GRSF1: variants seen among roughly 807,000 people sequenced by gnomAD.
The protein encoded by GRSF1 is G-rich RNA sequence binding factor 1, also known as G-rich sequence factor 1.
GRSF1 carries 50 observed loss-of-function variants against 51.1 expected under a neutral mutation model. The ratio of observed to expected loss-of-function variants is 0.98; its 90% CI spans 0.78 to 1.24. The LOEUF (loss-of-function observed/expected upper bound fraction) is 1.24. Ranked by LOEUF, GRSF1 falls within the 50% of genes most tolerant of loss-of-function variation. GRSF1 has a pLI of 0.00. For synonymous variants in GRSF1, 293 were observed against 253.3 expected, an observed-to-expected ratio of 1.16 and a Z score of -1.49; for missense variants, 700 against 639.7, an observed-to-expected ratio of 1.09 and a Z score of -1.02.
rs1272521310 is a variant in GRSF1 at position 70,817,036 on chromosome 4, C to A, written c.*3851G>T. Reference sequence around the variant, plus strand: ...AAATGACAACACCCACTAACACTTGCTTATAAATAAAGTAAAAGTCACTGC... The same window carrying A: ...AAATGACAACACCCACTAACACTTGATTATAAATAAAGTAAAAGTCACTGC... On this transcript the variant is annotated 3_prime_UTR_variant, in exon 10 of 10. Coordinates refer to ENST00000254799, the MANE Select transcript of GRSF1 (RefSeq NM_002092.4). The A allele has an allele frequency of 6.6e-6, 1 of 152,130 alleles. No homozygotes were observed. Among genetic ancestry groups the A allele is most frequent in the Non-Finnish European group, 1.5e-5 (1 of 68,020 alleles). The allele number at this position is 152,130 out of a possible 1,614,324, so 9.4% of individuals were successfully genotyped here.
intron 9 of GRSF1, among the ~76,000 whole-genome samples, chr4:70,823,495 GC>G: frequency 9.3e-6 from 1 of 107,780 alleles, no homozygotes; most frequent in South Asian, 3.0e-4. Flanking sequence ...TTTTTTTTTT[GC>G]CCCCCACATC....
chr4:70,836,911 C>G (rs1734236769), intron 1 of GRSF1, among the ~76,000 whole-genome samples: 1 of 152,124 alleles, frequency 6.6e-6, no homozygotes, highest in Admixed American at 6.6e-5. Context: ...GCAATTAATT[C>G]CAACTGTTTA....
intron 1 of GRSF1, among the ~76,000 whole-genome samples, chr4:70,836,800 TGAAG>T (rs895740504): frequency 2.0e-5 from 3 of 152,108 alleles, no homozygotes; most frequent in Non-Finnish European, 2.9e-5. Context: ...AGATGGGCCT[TGAAG>T]GAAGGATAGA....
chr4:70,824,799 CA>C (rs1733668003), intron 8 of GRSF1, among the ~76,000 whole-genome samples: 1 of 152,114 alleles, frequency 6.6e-6, no homozygotes, highest in Non-Finnish European at 1.5e-5. Flanking sequence ...CACAAACAAA[CA>C]AAATGTAAAA....
At chr4:70,839,282 C>T (rs1415183373) in intron 1 of GRSF1, 189 bp downstream of exon 1, 2 of 1,495,766 alleles carry the variant, frequency 1.3e-6, no homozygotes, top group Non-Finnish European at 1.8e-6. Flanking sequence ...GAAGACCCGA[C>T]GCCTGGGAGA....
In GRSF1 at chr4:70,839,419, G is replaced by A. The variant is rs545324876; in HGVS notation, c.357+52C>T. 1.6e-5 allele frequency: 24 copies of A among 1,505,100 alleles called. No individual in the cohort carries two copies. In the African/African-American group the frequency reaches 2.0e-4, roughly 12 times the overall value. The allele number at this position is 1,505,100 out of a possible 1,614,324, so 93.2% of individuals were successfully genotyped here. On this transcript the variant is annotated intron_variant, in intron 1 of 9. Transcript: ENST00000254799. ...GGGACGGAGGGGCGCGGGGGCGCGTGCACGCGGCCCGGGAGGGATCTCGCG... is the reference window on the plus strand; with the variant it reads ...GGGACGGAGGGGCGCGGGGGCGCGTACACGCGGCCCGGGAGGGATCTCGCG...
chr4:70,835,459 A>AAT (rs1455880586), intron 2 of GRSF1, among the ~76,000 whole-genome samples: 6 of 131,162 alleles, frequency 4.6e-5, no homozygotes, highest in Non-Finnish European at 6.6e-5. Context: ...AGTATGATGG[A>AAT]TTTTTTTTTT....
intron 3 of GRSF1, among the ~76,000 whole-genome samples, 180 bp from the exon 4 acceptor site, chr4:70,832,630 CTTCT>C (rs770578871): frequency 3.9e-5 from 6 of 152,198 alleles, no homozygotes; most frequent in Admixed American, 1.3e-4. Flanking sequence ...GCGGGCATAA[CTTCT>C]TTATTTCTCA....
intron 5 of GRSF1, among the ~76,000 whole-genome samples, chr4:70,829,298 C>G (rs1392795583): frequency 1.3e-5 from 2 of 151,784 alleles, no homozygotes; most frequent in Non-Finnish European, 2.9e-5. Flanking sequence ...AAAAAAAAAC[C>G]TTTGAGCCTG....
At chr4:70,837,550 C>G (rs1734264790) in intron 1 of GRSF1, among the ~76,000 whole-genome samples, 2 of 79,176 alleles carry the variant, frequency 2.5e-5, no homozygotes, top group South Asian at 1.1e-3. Context: ...GGCAACAGAG[C>G]AAGACTCCGT....
At chr4:70,824,757 T>A (rs115696104) in intron 8 of GRSF1, among the ~76,000 whole-genome samples, 1 of 152,154 alleles carries the variant, frequency 6.6e-6, no homozygotes, top group Non-Finnish European at 1.5e-5. Context: ...CACTACAGAC[T>A]GGGCGACAGA....
intron 7 of GRSF1, 147 bp downstream of exon 7, chr4:70,825,977 A>C (rs1373282899): frequency 7.4e-6 from 5 of 672,118 alleles, no homozygotes; most frequent in Non-Finnish European, 1.3e-5. Flanking sequence ...CAGAAAAAGA[A>C]GCAAGCTTTG....
chr4:70,831,672 G>C lies in GRSF1; in HGVS notation c.817C>G (p.Leu273Val), dbSNP rs749800186. The C allele has an allele frequency of 6.2e-7, 1 of 1,606,616 alleles. No homozygotes were observed. Among genetic ancestry groups the C allele is most frequent in the South Asian group, 1.1e-5 (1 of 89,698 alleles). The change falls in exon 5 of 10, where the codon CTG (leucine) becomes GTG (valine). Residue 273 changes from leucine to valine, a missense_variant and splice_region_variant. Physicochemically the swap from Leu to Val is conservative, Grantham distance 32. Coordinates refer to ENST00000254799, the MANE Select transcript of GRSF1 (RefSeq NM_002092.4). ...EKDIVDFFAG[L>V]NIVDITFVMD... The stretch of plus-strand genomic sequence containing the variant: ...ACAAAAGTAATGTCAACTATATTCA[G>C]TCCTAGGACACCAAGAGATTTTAAT...
rs781130229 is a variant in GRSF1 at position 70,839,534 on chromosome 4, A to G, written c.294T>C (p.Arg98=). ...CCAGCGACTGCGGCAGCAGAGAGGC[A>G]CGGAGGGCAGAGTAGGACGCGGCGG... The part of the protein sequence containing the change: ...AAAAASYSAL[R]ASLLPQSLAA... The change falls in exon 1 of 10, where the codon CGT becomes CGC. Residue 98 remains arginine, a synonymous_variant. Transcript: ENST00000254799. 6.2e-6 allele frequency: 9 copies of G among 1,449,384 alleles called. No homozygotes were observed. The South Asian group carries it at 1.1e-4, about 17-fold the overall frequency. 89.8% of individuals were successfully genotyped at this position (1,449,384 alleles called of 1,614,324 possible).
Position 70,820,390 on chromosome 4 carries a change from T to A in GRSF1, c.*497A>T, listed in dbSNP as rs920067676. 1 of 152,600 alleles carries A rather than the reference T, an allele frequency of 6.6e-6. No homozygotes were observed. The highest frequency in any genetic ancestry group is 6.5e-5 in the Admixed American group (1 of 15,268). 9.5% of individuals were successfully genotyped at this position (152,600 alleles called of 1,614,324 possible). A position where few individuals can be genotyped will look rare whatever the true frequency, so the allele number is the denominator to read the frequency against. On this transcript the variant is annotated 3_prime_UTR_variant, in exon 10 of 10. Transcript: ENST00000254799. Reference sequence around the variant, plus strand: ...AATTTAAAACTATTCTGCCAAACCATACCAGTTCAAAGGTCTGAAACCGTT... The same window carrying A: ...AATTTAAAACTATTCTGCCAAACCAAACCAGTTCAAAGGTCTGAAACCGTT...
intron 5 of GRSF1, among the ~76,000 whole-genome samples, chr4:70,830,202 C>T (rs561286865): frequency 2.0e-5 from 3 of 151,784 alleles, no homozygotes; most frequent in East Asian, 2.0e-4. Context: ...CCAAAGCGGG[C>T]GATCACTTGA....
In GRSF1 at chr4:70,839,870, C is replaced by T. The variant is rs28365837; in HGVS notation, c.-43G>A. ...CAGGGCCTGAAGGCAGCTGCTCCAG[C>T]AGCGATGGTGGAACGGAAGTGGAAT... On this transcript the variant is annotated 5_prime_UTR_variant, in exon 1 of 10. Coordinates refer to ENST00000254799, the MANE Select transcript of GRSF1 (RefSeq NM_002092.4). The T allele has an allele frequency of 1.5e-5, 22 of 1,431,042 alleles. 2 individuals are homozygous for T. In the South Asian group the frequency reaches 3.1e-4, roughly 20 times the overall value. The allele number at this position is 1,431,042 out of a possible 1,614,324, so 88.6% of individuals were successfully genotyped here. A position where few individuals can be genotyped will look rare whatever the true frequency, so the allele number is the denominator to read the frequency against.
In GRSF1 at chr4:70,839,594, C is replaced by A; in HGVS notation, c.234G>T (p.Gly78=). 7.1e-7 allele frequency: 1 copy of A among 1,412,926 alleles called. No individual in the cohort carries two copies. The highest frequency in any genetic ancestry group is 9.2e-7 in the Non-Finnish European group (1 of 1,087,954). 87.5% of individuals were successfully genotyped at this position (1,412,926 alleles called of 1,614,324 possible). A position where few individuals can be genotyped will look rare whatever the true frequency, so the allele number is the denominator to read the frequency against. The change falls in exon 1 of 10, where the codon GGG becomes GGT. Residue 78 remains glycine, a synonymous_variant. Transcript: ENST00000254799. ...TGPVPPGRLA[G]PPAVATSAAA... ...CGGCAGAGGTGGCCACAGCGGGAGGCCCCGCCAGCCTCCCGGGAGGCACAG... is the reference window on the plus strand; with the variant it reads ...CGGCAGAGGTGGCCACAGCGGGAGGACCCGCCAGCCTCCCGGGAGGCACAG...
Position 70,832,338 on chromosome 4 carries a change from G to A in GRSF1, c.783C>T (p.Cys261=). The change falls in exon 4 of 10, where the codon TGC becomes TGT. Residue 261 remains cysteine (C), a synonymous_variant. Transcript: ENST00000254799. ...VVRLRGLPYS[C]NEKDIVDFFA... ...AGAAGTCTACAATGTCTTTCTCATT[G>A]CAACTATAAGGAAGTCCTCTCAAAC... 6.2e-7 allele frequency: 1 copy of A among 1,613,412 alleles called. No individual in the cohort carries two copies.
Sources: allele counts gnomAD v4.1 joint callset (sites outside exome capture counted in the v4.1 genomes callset), GRCh38; gene constraint gnomAD v4.1.1; transcripts MANE v1.5; gene names NCBI Gene and HGNC (gene_info 2026-07-23, HGNC 2026-07-21).